Variants in SYCP1 observed in about 807,000 individuals in gnomAD.
SYCP1 encodes the protein synaptonemal complex protein 1.
In SYCP1, 64 loss-of-function variants were observed where a neutral mutation model predicts 153.1. The observed-to-expected ratio is 0.42, with a 90% CI of 0.34 to 0.51. The LOEUF (loss-of-function observed/expected upper bound fraction) is 0.51. Ranked by LOEUF, SYCP1 falls within the 20% of genes least tolerant of loss-of-function variation. The pLI, the probability that SYCP1 is intolerant of heterozygous loss-of-function variation, is 0.06. For synonymous variants in SYCP1, 384 were observed against 341.8 expected (o/e 1.12, Z -1.36); for missense variants, 997 against 1,049.0 (o/e 0.95, Z 0.68).
intron 2 of SYCP1, 111 bp from the exon 3 acceptor site, chr1:114,856,462 C>A: frequency 1.6e-6 from 1 of 629,880 alleles, no homozygotes; most frequent in Non-Finnish European, 2.5e-6. Context: ...AAAGGATTTG[C>A]AATTATAGTA....
At chr1:114,907,972 A>G (rs1368708325) in intron 16 of SYCP1, among the ~76,000 whole-genome samples, 4 of 152,142 alleles carry the variant, frequency 2.6e-5, no homozygotes, top group Non-Finnish European at 5.9e-5. Context: ...AAATAACTTG[A>G]AGAAAAATGA....
intron 8 of SYCP1, among the ~76,000 whole-genome samples, chr1:114,867,280 A>T (rs1664820106): frequency 1.3e-5 from 2 of 152,118 alleles, no homozygotes. Flanking sequence ...GTTTGTAGAT[A>T]TCCACAATAT....
intron 27 of SYCP1, among the ~76,000 whole-genome samples, chr1:114,949,601 C>T (rs1670960796): frequency 6.6e-6 from 1 of 152,118 alleles, no homozygotes; most frequent in African/African-American, 2.4e-5. Context: ...ATGTGAGGCC[C>T]ATGGGGTCTT....
At chr1:114,968,779 C>A (rs1672301136) in intron 27 of SYCP1, among the ~76,000 whole-genome samples, 2 of 152,164 alleles carry the variant, frequency 1.3e-5, no homozygotes, top group Admixed American at 6.5e-5. Flanking sequence ...GAATTTTCAG[C>A]CTTTTTGCAC....
intron 3 of SYCP1, 143 bp from the exon 4 acceptor site, chr1:114,857,089 T>TC: frequency 1.0e-5 from 6 of 594,958 alleles, no homozygotes; most frequent in Non-Finnish European, 1.3e-5. Context: ...CCATGATGGG[T>TC]CACTGCCCTC....
chr1:114,902,844 G>A (rs1667560969), intron 16 of SYCP1, among the ~76,000 whole-genome samples: 1 of 152,080 alleles, frequency 6.6e-6, no homozygotes, highest in Non-Finnish European at 1.5e-5. Context: ...GTGATTGTGA[G>A]GAATAAATAA....
chr1:114,964,426 T>C (rs1336668423), intron 27 of SYCP1, among the ~76,000 whole-genome samples: 1 of 152,192 alleles, frequency 6.6e-6, no homozygotes, highest in African/African-American at 2.4e-5. Flanking sequence ...GTTTTTGGTG[T>C]TTTAGTTATG....
intron 10 of SYCP1, among the ~76,000 whole-genome samples, chr1:114,876,464 A>G (rs1665542847): frequency 6.6e-6 from 1 of 151,744 alleles, no homozygotes; most frequent in Non-Finnish European, 1.5e-5. Context: ...TACATATTTA[A>G]AACCTGTTGT....
chr1:114,937,223 C>G (rs568423184), intron 23 of SYCP1, among the ~76,000 whole-genome samples: 2 of 151,844 alleles, frequency 1.3e-5, no homozygotes, highest in Non-Finnish European at 2.9e-5. Context: ...CAGAACAGAG[C>G]CCTCAGAAAT....
chr1:114,947,986 A>T (rs1040224592), intron 27 of SYCP1, among the ~76,000 whole-genome samples: 2 of 151,776 alleles, frequency 1.3e-5, no homozygotes, highest in Non-Finnish European at 2.9e-5. Flanking sequence ...TATACATGTG[A>T]CATGTTGGTG....
chr1:114,884,801 C>G (rs919058231), intron 12 of SYCP1, among the ~76,000 whole-genome samples: 1 of 152,014 alleles, frequency 6.6e-6, no homozygotes, highest in Non-Finnish European at 1.5e-5. Flanking sequence ...GTATCATGCC[C>G]GAGGCCAGGT....
intron 7 of SYCP1, among the ~76,000 whole-genome samples, chr1:114,860,418 G>C (rs1664290929): frequency 6.6e-6 from 1 of 152,070 alleles, no homozygotes; most frequent in South Asian, 2.1e-4. Context: ...ATCTAGACCT[G>C]TTTACTGAAA....
intron 8 of SYCP1, among the ~76,000 whole-genome samples, chr1:114,870,785 A>T (rs1665058387): frequency 6.6e-6 from 1 of 152,202 alleles, no homozygotes; most frequent in Non-Finnish European, 1.5e-5. Context: ...TATAGACAGC[A>T]TGTAGTTGGG....
chr1:114,927,703 C>T (rs892698969), intron 23 of SYCP1, among the ~76,000 whole-genome samples: 4 of 151,982 alleles, frequency 2.6e-5, no homozygotes, highest in South Asian at 2.1e-4. Flanking sequence ...CAGAAGTACA[C>T]AGAAGAAGAG....
At chr1:114,925,995 T>C (rs1669226769) in intron 21 of SYCP1, among the ~76,000 whole-genome samples, 1 of 152,098 alleles carries the variant, frequency 6.6e-6, no homozygotes, top group South Asian at 2.1e-4. Flanking sequence ...ATACTGAGGC[T>C]GAGTATAGTG....
At chr1:114,927,651 G>A (rs1669343164) in intron 23 of SYCP1, among the ~76,000 whole-genome samples, 1 of 152,120 alleles carries the variant, frequency 6.6e-6, no homozygotes, top group Non-Finnish European at 1.5e-5. Flanking sequence ...AATGAATCAA[G>A]TGTCAGTAAA....
rs1317139730 is a variant in SYCP1, at chr1:114,947,326, T to C, written c.2322+6T>C. On this transcript the variant is annotated splice_donor_region_variant and intron_variant, in intron 27 of 31. Coordinates refer to ENST00000369522, the MANE Select transcript of SYCP1 (RefSeq NM_003176.4). ...AAATAGAAAGAGAAGAGAAGGTAGG[T>C]TTTTTGGCATTATAGATAAAATGAT... 9 of 1,607,476 alleles carry C rather than the reference T, an allele frequency of 5.6e-6. No homozygotes were observed. Among genetic ancestry groups the C allele is most frequent in the Admixed American group, 1.7e-5 (1 of 59,244 alleles).
intron 12 of SYCP1, among the ~76,000 whole-genome samples, chr1:114,882,222 C>G (rs1666003764): frequency 1.3e-5 from 2 of 151,314 alleles, no homozygotes; most frequent in South Asian, 4.2e-4. Flanking sequence ...ACAAACCAAA[C>G]AAAACCAAAC....
chr1:114,908,889 T>G (rs1320430101), intron 16 of SYCP1, among the ~76,000 whole-genome samples: 2 of 152,214 alleles, frequency 1.3e-5, no homozygotes, highest in African/African-American at 4.8e-5. Flanking sequence ...GTTCTTTGTA[T>G]GTTGAATAAT....
Sources: allele counts gnomAD v4.1 joint callset (sites outside exome capture counted in the v4.1 genomes callset), GRCh38; gene constraint gnomAD v4.1.1; transcripts MANE v1.5; gene names NCBI Gene and HGNC (gene_info 2026-07-23, HGNC 2026-07-21).